Variants in RNF2 observed in about 807,000 individuals in gnomAD.
RNF2 encodes the protein E3 ubiquitin-protein ligase RING2.
A neutral mutation model predicts 37.2 loss-of-function variants in RNF2; 6 were observed. The ratio of observed to expected loss-of-function variants is 0.16; its 90% confidence interval spans 0.09 to 0.32. The LOEUF is 0.32. Ranked by LOEUF, RNF2 falls within the 10% of genes least tolerant of loss-of-function variation. The pLI, the probability that RNF2 is intolerant of heterozygous loss-of-function variation, is 1.00. For missense variants in RNF2, 251 were observed against 404.0 expected (o/e 0.62, Z 3.25); for synonymous variants, 133 against 132.7 (o/e 1.00, Z -0.02).
At chr1:185,095,954 C>T (rs1036828241) in intron 4 of RNF2, among the ~76,000 whole-genome samples, 5 of 152,006 alleles carry the variant, frequency 3.3e-5, no homozygotes, top group South Asian at 4.1e-4. Flanking sequence ...GTATTATAGA[C>T]GTGATTTGAT....
chr1:185,096,614 T>C (rs1219392102), intron 4 of RNF2, among the ~76,000 whole-genome samples: 1 of 152,132 alleles, frequency 6.6e-6, no homozygotes, highest in African/African-American at 2.4e-5. Flanking sequence ...TTTACTTGAC[T>C]GTAGGCCACC....
chr1:185,054,824 A>C (rs996330793), intron 1 of RNF2, among the ~76,000 whole-genome samples: 2 of 151,984 alleles, frequency 1.3e-5, no homozygotes, highest in African/African-American at 4.8e-5. Context: ...CAGTTTCCTG[A>C]GTAGCTGGGA....
intron 1 of RNF2, among the ~76,000 whole-genome samples, chr1:185,085,378 C>T (rs531933054): frequency 1.4e-4 from 22 of 151,934 alleles, no homozygotes; most frequent in East Asian, 7.8e-4. Flanking sequence ...CTTCATGATC[C>T]GCCTGCCTCG....
chr1:185,053,334 CTTTT>C (rs1650323767), intron 1 of RNF2, among the ~76,000 whole-genome samples: 1 of 150,592 alleles, frequency 6.6e-6, no homozygotes. Context: ...TCCTTTTTTT[CTTTT>C]TCTTTTTTTT....
chr1:185,081,067 T>C (rs1202199451), intron 1 of RNF2, among the ~76,000 whole-genome samples: 2 of 152,182 alleles, frequency 1.3e-5, no homozygotes, highest in Non-Finnish European at 2.9e-5. Context: ...ATGGCACATG[T>C]GTTAGTTTGG....
chr1:185,080,454 C>T, intron 1 of RNF2, among the ~76,000 whole-genome samples: 1 of 152,126 alleles, frequency 6.6e-6, no homozygotes, highest in East Asian at 1.9e-4. Context: ...CACTAATTCT[C>T]AAGAGTATAT....
intron 5 of RNF2, among the ~76,000 whole-genome samples, chr1:185,098,652 A>G (rs1651983810): frequency 6.6e-6 from 1 of 152,236 alleles, no homozygotes; most frequent in East Asian, 1.9e-4. Flanking sequence ...CTACGTTACC[A>G]CTGTATCTCC....
intron 1 of RNF2, among the ~76,000 whole-genome samples, chr1:185,087,136 T>C (rs377297650): frequency 6.6e-6 from 1 of 152,232 alleles, no homozygotes; most frequent in East Asian, 1.9e-4. Flanking sequence ...TTCCTAAAAA[T>C]CAGTTTTGAG....
intron 3 of RNF2, 104 bp from the exon 4 acceptor site, chr1:185,092,957 G>A (rs1035185779): frequency 1.9e-5 from 17 of 915,900 alleles, no homozygotes; most frequent in Middle Eastern, 3.4e-4. Flanking sequence ...ACTTATTAAA[G>A]GTATTGGAAT....
In RNF2 at chr1:185,067,671, G is replaced by C. The variant is rs140955188; in HGVS notation, c.-2-19881G>C. ...ATCAAACAAATGAAAAAAATGCTTT[G>C]TAGGGAAATGGGATAATTAAGTAAT... On this transcript the variant is annotated intron_variant, in intron 1 of 6. Transcript: ENST00000367510. Among the ~76,000 whole-genome samples, 1,102 of 149,188 alleles carry C rather than the reference G, an allele frequency of 7.4e-3. 3 individuals carry two copies. The highest frequency in any genetic ancestry group is 0.012 in the Non-Finnish European group (807 of 67,354).
intron 4 of RNF2, among the ~76,000 whole-genome samples, chr1:185,095,191 T>G (rs548998585): frequency 1.3e-5 from 2 of 152,242 alleles, no homozygotes; most frequent in Admixed American, 1.3e-4. Flanking sequence ...CTTTAATGGT[T>G]GTTCAGTTTA....
At chr1:185,081,957 C>G (rs370878832) in intron 1 of RNF2, among the ~76,000 whole-genome samples, 1 of 152,082 alleles carries the variant, frequency 6.6e-6, no homozygotes, top group African/African-American at 2.4e-5. Context: ...GCATGTTTGC[C>G]GTTGGGAAGT....
intron 2 of RNF2, among the ~76,000 whole-genome samples, chr1:185,090,821 A>G (rs1346880993): frequency 2.0e-5 from 3 of 152,234 alleles, no homozygotes; most frequent in Admixed American, 2.0e-4. Flanking sequence ...AGGATTCACT[A>G]ATCATTCTGC....
At chr1:185,067,827 C>G (rs540168949) in intron 1 of RNF2, among the ~76,000 whole-genome samples, 8 of 150,754 alleles carry the variant, frequency 5.3e-5, no homozygotes, top group African/African-American at 1.7e-4. Flanking sequence ...TCTCCTACCT[C>G]AGCCTCTCGA....
At chr1:185,096,853 T>A (rs894253140) in intron 4 of RNF2, among the ~76,000 whole-genome samples, 2 of 151,354 alleles carry the variant, frequency 1.3e-5, no homozygotes, top group Non-Finnish European at 3.0e-5. Flanking sequence ...TTTTTTTTTT[T>A]AAAGCATGAG....
chr1:185,047,420 T>A (rs888712602), intron 1 of RNF2, among the ~76,000 whole-genome samples: 1 of 152,246 alleles, frequency 6.6e-6, no homozygotes, highest in Non-Finnish European at 1.5e-5. Context: ...GATAGAAATA[T>A]AGACCAGGTC....
intron 1 of RNF2, among the ~76,000 whole-genome samples, chr1:185,067,084 G>T (rs531882037): frequency 9.8e-5 from 15 of 152,288 alleles, no homozygotes; most frequent in Admixed American, 7.8e-4. Flanking sequence ...GCTTTCTGTT[G>T]TATGTTCCAT....
At chr1:185,071,426 CA>C (rs1252090702) in intron 1 of RNF2, 10 of 152,212 alleles carry the variant, frequency 6.6e-5, no homozygotes, top group African/African-American at 2.4e-4. Context: ...GATGAGGCTA[CA>C]TATGTCTTGG....
At position 185,062,137 on chromosome 1, in the gene RNF2, A is replaced by C. The variant is rs896437777; in HGVS notation, c.-3+16488A>C. On this transcript the variant is annotated intron_variant, in intron 1 of 6. Transcript: ENST00000367510. Reference sequence around the variant, plus strand: ...GGAGAACTTTTAACTGCTTTTGAGGAAGAAAGAGGCAGGTAGCTTTGTGAC... The same window carrying C: ...GGAGAACTTTTAACTGCTTTTGAGGCAGAAAGAGGCAGGTAGCTTTGTGAC... Among the ~76,000 whole-genome samples the C allele has an allele frequency of 5.3e-5, 8 of 152,336 alleles. No individual in the cohort carries two copies. In the East Asian group the frequency reaches 9.6e-4, roughly 18 times the overall value.
Sources: gnomAD v4.1 joint callset for allele counts (sites outside exome capture counted in the v4.1 genomes callset) on GRCh38, gnomAD v4.1.1 for gene constraint, MANE v1.5 for transcripts, NCBI Gene and HGNC (gene_info 2026-07-23, HGNC 2026-07-21) for gene names.